THEMIS: variants seen among roughly 807,000 people sequenced by gnomAD.
THEMIS encodes the protein thymocyte selection associated.
In THEMIS, 37 loss-of-function variants were observed where a neutral mutation model predicts 52.6. That is an observed-to-expected ratio of 0.70 (90% confidence interval 0.54 to 0.93). THEMIS has a LOEUF of 0.93. Ranked by LOEUF, THEMIS falls within the 40% of genes least tolerant of loss-of-function variation. The pLI is 0.00. For synonymous variants in THEMIS, 292 were observed against 272.7 expected (o/e 1.07, Z -0.70); for missense variants, 808 against 763.1 (o/e 1.06, Z -0.69).
chr6:127,781,266 G>A (rs543280733), intron 4 of THEMIS, among the ~76,000 whole-genome samples: 1 of 151,638 alleles, frequency 6.6e-6, no homozygotes, highest in South Asian at 2.1e-4. Context: ...CTTCTCTCAA[G>A]TGGTTATTCT....
chr6:127,821,475 G>C (rs1312567484), intron 3 of THEMIS, among the ~76,000 whole-genome samples: 1 of 152,048 alleles, frequency 6.6e-6, no homozygotes, highest in Non-Finnish European at 1.5e-5. Context: ...ATTTCTTTGT[G>C]AGTGAATATG....
At chr6:127,747,992 T>C (rs936910538) in intron 4 of THEMIS, among the ~76,000 whole-genome samples, 3 of 152,008 alleles carry the variant, frequency 2.0e-5, no homozygotes, top group Non-Finnish European at 2.9e-5. Flanking sequence ...CTGTTGAAAA[T>C]GAAAATGGTC....
At chr6:127,775,328 A>G (rs1050494400) in intron 4 of THEMIS, among the ~76,000 whole-genome samples, 1 of 152,240 alleles carries the variant, frequency 6.6e-6, no homozygotes, top group East Asian at 1.9e-4. Context: ...TGTACAAATT[A>G]TAATCCAATT....
At chr6:127,820,359 T>C (rs1052949325) in intron 3 of THEMIS, among the ~76,000 whole-genome samples, 13 of 151,962 alleles carry the variant, frequency 8.6e-5, no homozygotes, top group Admixed American at 1.3e-4. Flanking sequence ...GAGGGTATAA[T>C]CCAGATGGCA....
chr6:127,865,348 A>C (rs531712170), intron 1 of THEMIS, among the ~76,000 whole-genome samples: 1 of 152,274 alleles, frequency 6.6e-6, no homozygotes, highest in East Asian at 1.9e-4. Flanking sequence ...GGTATCTCTA[A>C]GGAGCCAGTC....
chr6:127,737,117 A>G (rs942789599), intron 4 of THEMIS, among the ~76,000 whole-genome samples: 2 of 152,182 alleles, frequency 1.3e-5, no homozygotes, highest in African/African-American at 2.4e-5. Context: ...TATTCCCACC[A>G]GATGGCAGTC....
intron 1 of THEMIS, among the ~76,000 whole-genome samples, chr6:127,864,682 A>G (rs570858154): frequency 6.6e-6 from 1 of 152,202 alleles, no homozygotes; most frequent in Non-Finnish European, 1.5e-5. Context: ...AATCAACCTG[A>G]AGATACAAGA....
chr6:127,705,445 T>A (rs547437627), downstream of THEMIS, among the ~76,000 whole-genome samples: 2 of 152,296 alleles, frequency 1.3e-5, no homozygotes, highest in Admixed American at 1.3e-4. Context: ...CTGTTGAAGC[T>A]TCAATTTGCC....
intron 4 of THEMIS, among the ~76,000 whole-genome samples, chr6:127,763,241 C>G (rs969037685): frequency 2.0e-5 from 3 of 151,936 alleles, no homozygotes; most frequent in Non-Finnish European, 2.9e-5. Flanking sequence ...CCAATGAATT[C>G]TCTATGTGAT....
chr6:127,737,803 C>T (rs899299542), intron 4 of THEMIS, among the ~76,000 whole-genome samples: 2 of 152,140 alleles, frequency 1.3e-5, no homozygotes, highest in Non-Finnish European at 2.9e-5. Context: ...TGTTTTTTAA[C>T]TTATTTTTAA....
chr6:127,729,328 G>A (rs924589819), intron 4 of THEMIS, among the ~76,000 whole-genome samples: 1 of 152,102 alleles, frequency 6.6e-6, no homozygotes, highest in Non-Finnish European at 1.5e-5. Context: ...GTGTTGCTCA[G>A]TTTTTCCAAG....
chr6:127,760,869 G>A (rs548308875), intron 4 of THEMIS, among the ~76,000 whole-genome samples: 1 of 152,106 alleles, frequency 6.6e-6, no homozygotes, highest in South Asian at 2.1e-4. Context: ...TATTAGAAAA[G>A]CTTATTGATA....
chr6:127,828,356 C>T (rs1238651600), intron 3 of THEMIS, among the ~76,000 whole-genome samples: 3 of 152,164 alleles, frequency 2.0e-5, no homozygotes, highest in Non-Finnish European at 2.9e-5. Flanking sequence ...GTGGGGTCTA[C>T]AATTTGCCAT....
intron 4 of THEMIS, among the ~76,000 whole-genome samples, chr6:127,751,080 A>G (rs559578298): frequency 6.6e-6 from 1 of 151,926 alleles, no homozygotes; most frequent in Admixed American, 6.6e-5. Context: ...TTTATGTTAC[A>G]GTGGAGGTAC....
At chr6:127,847,368 C>T (rs540054748) in intron 2 of THEMIS, among the ~76,000 whole-genome samples, 2 of 151,878 alleles carry the variant, frequency 1.3e-5, no homozygotes, top group Admixed American at 6.6e-5. Flanking sequence ...ATGATATCAT[C>T]GTACATCTAG....
Position 127,862,428 on chromosome 6 carries a change from A to ATTTTTTTTTTTT in THEMIS, c.92-7252_92-7241dup, listed in dbSNP as rs71028110. ...GCAGGTGAAATCTCCTAGGGAGTAA[A>ATTTTTTTTTTTT]TTTTTTTTTTTTTTTTTTTTTTGCT... is the stretch of plus-strand genomic sequence containing the variant. On this transcript the variant is annotated intron_variant, in intron 1 of 5. Coordinates refer to ENST00000368248, the MANE Select transcript of THEMIS (RefSeq NM_001010923.3). Among the ~76,000 whole-genome samples, 177 of 72,776 alleles carry ATTTTTTTTTTTT rather than the reference A, an allele frequency of 2.4e-3. 8 individuals carry two copies. Among genetic ancestry groups the ATTTTTTTTTTTT allele is most frequent in the African/African-American group, 6.9e-3 (145 of 21,058 alleles). The allele number at this position is 72,776 out of a possible 152,430, so 47.7% of individuals were successfully genotyped here. A position where few individuals can be genotyped will look rare whatever the true frequency, so the allele number is the denominator to read the frequency against.
At chr6:127,826,779 G>C (rs544318580) in intron 3 of THEMIS, among the ~76,000 whole-genome samples, 2 of 152,180 alleles carry the variant, frequency 1.3e-5, no homozygotes, top group Non-Finnish European at 2.9e-5. Context: ...ACTTACATAA[G>C]ACTAGTAGTT....
At chr6:127,884,398 A>G in intron 1 of THEMIS, among the ~76,000 whole-genome samples, 1 of 152,244 alleles carries the variant, frequency 6.6e-6, no homozygotes, top group East Asian at 1.9e-4. Flanking sequence ...TTTGCATGTG[A>G]ATGTCCTATA....
At chr6:127,731,545 C>T (rs56349379) in intron 4 of THEMIS, among the ~76,000 whole-genome samples, 10 of 148,308 alleles carry the variant, frequency 6.7e-5, no homozygotes, top group African/African-American at 2.0e-4. Flanking sequence ...TTGAAATCTT[C>T]GGCATTTTTT....
Sources: allele counts gnomAD v4.1 joint callset (sites outside exome capture counted in the v4.1 genomes callset), GRCh38; gene constraint gnomAD v4.1.1; transcripts MANE v1.5; gene names NCBI Gene and HGNC (gene_info 2026-07-23, HGNC 2026-07-21).